Variants in MACROD2 observed in about 807,000 individuals in gnomAD.
The protein encoded by MACROD2 is mono-ADP ribosylhydrolase 2, also known as ADP-ribose glycohydrolase MACROD2.
Under a neutral mutation model 70.4 loss-of-function variants are expected in MACROD2, and 36 were observed. That is an observed-to-expected ratio of 0.51 (90% CI 0.39 to 0.68). The LOEUF is 0.68. Ranked by LOEUF, MACROD2 falls within the 30% of genes least tolerant of loss-of-function variation. The pLI is 0.00. For synonymous variants in MACROD2, 172 were observed against 178.8 expected (o/e 0.96, Z 0.30); for missense variants, 496 against 538.4 (o/e 0.92, Z 0.78).
chr20:14,238,285 T>C (rs1233290760), intron 3 of MACROD2, among the ~76,000 whole-genome samples: 1 of 151,988 alleles, frequency 6.6e-6, no homozygotes, highest in Non-Finnish European at 1.5e-5. Flanking sequence ...TAAACAGAAC[T>C]CAAAAGAAAA....
At chr20:16,016,485 A>G (rs997733292) in intron 15 of MACROD2, among the ~76,000 whole-genome samples, 2 of 152,194 alleles carry the variant, frequency 1.3e-5, no homozygotes, top group African/African-American at 2.4e-5. Context: ...TTTCTAAGAC[A>G]TCTCTCCAGT....
At chr20:15,738,965 T>C (rs2146962124) in intron 8 of MACROD2, among the ~76,000 whole-genome samples, 1 of 152,260 alleles carries the variant, frequency 6.6e-6, no homozygotes, top group African/African-American at 2.4e-5. Flanking sequence ...AAGGGTAAAT[T>C]GTATGTAGCT....
intron 8 of MACROD2, among the ~76,000 whole-genome samples, chr20:15,762,105 C>G (rs2051445392): frequency 6.6e-6 from 1 of 151,970 alleles, no homozygotes; most frequent in South Asian, 2.1e-4. Context: ...AATAAAAGCC[C>G]CAGCTATTTC....
intron 5 of MACROD2, among the ~76,000 whole-genome samples, chr20:15,163,993 C>A (rs2076365763): frequency 6.6e-6 from 1 of 151,566 alleles, no homozygotes; most frequent in Non-Finnish European, 1.5e-5. Flanking sequence ...GGGAGGCAGA[C>A]AAAAAGTAAA....
In MACROD2 at chr20:15,858,135, C is replaced by T. The variant is rs142370800; in HGVS notation, c.646-4610C>T. 7.9e-5 allele frequency among the ~76,000 whole-genome samples: 12 copies of T among 151,856 alleles called. No individual in the cohort carries two copies. In the East Asian group the frequency reaches 1.2e-3, roughly 15 times the overall value. ...GGGCCTTGGGAAAAAAAAAATCACTCGATTCCTGGACTCATGTTTTCTATA... is the reference window on the plus strand; with the variant it reads ...GGGCCTTGGGAAAAAAAAAATCACTTGATTCCTGGACTCATGTTTTCTATA... On this transcript the variant is annotated intron_variant, in intron 8 of 17. Coordinates refer to ENST00000684519, the MANE Select transcript of MACROD2 (RefSeq NM_001351661.2).
At chr20:14,583,399 C>A (rs1395616878) in intron 4 of MACROD2, among the ~76,000 whole-genome samples, 1 of 152,182 alleles carries the variant, frequency 6.6e-6, no homozygotes, top group Non-Finnish European at 1.5e-5. Context: ...GGCATCTGTA[C>A]TTTTCTCAGC....
intron 5 of MACROD2, among the ~76,000 whole-genome samples, chr20:14,809,344 T>C (rs1423564696): frequency 6.6e-6 from 1 of 151,932 alleles, no homozygotes; most frequent in Non-Finnish European, 1.5e-5. Context: ...ACTGGGTAAA[T>C]AACGAAATTA....
At chr20:14,290,699 G>T (rs2082379224) in intron 3 of MACROD2, among the ~76,000 whole-genome samples, 1 of 152,118 alleles carries the variant, frequency 6.6e-6, no homozygotes, top group Admixed American at 6.5e-5. Flanking sequence ...AGTATACACA[G>T]GGTTTCTCCA....
intron 9 of MACROD2, among the ~76,000 whole-genome samples, chr20:15,881,768 C>A (rs1415891821): frequency 2.0e-5 from 3 of 152,210 alleles, no homozygotes; most frequent in African/African-American, 4.8e-5. Flanking sequence ...TATTATCATT[C>A]TTGCTTTTAG....
chr20:15,547,306 C>A (rs1302332609), intron 8 of MACROD2, among the ~76,000 whole-genome samples: 42 of 152,158 alleles, frequency 2.8e-4, no homozygotes, highest in Non-Finnish European at 2.1e-4. Context: ...CAGATGGAAC[C>A]AATCCAGGGA....
intron 9 of MACROD2, among the ~76,000 whole-genome samples, chr20:15,869,265 A>AGAGAGAGAGAGAGAGAGAGC (rs1322416478): frequency 1.4e-5 from 2 of 141,880 alleles, no homozygotes; most frequent in African/African-American, 5.1e-5. Flanking sequence ...AGAGAGAGAG[A>AGAGAGAGAGAGAGAGAGAGC]GAGCAATGCT....
At chr20:14,094,560 T>G (rs918253150) in intron 3 of MACROD2, among the ~76,000 whole-genome samples, 12 of 152,168 alleles carry the variant, frequency 7.9e-5, no homozygotes, top group African/African-American at 2.9e-4. Context: ...GACTACTTCA[T>G]CCTTGAATGT....
At chr20:15,028,593 C>T (rs547740007) in intron 5 of MACROD2, among the ~76,000 whole-genome samples, 3 of 152,252 alleles carry the variant, frequency 2.0e-5, no homozygotes, top group Admixed American at 1.3e-4. Context: ...ACAGTTTGGG[C>T]TACCTGCTGT....
intron 8 of MACROD2, among the ~76,000 whole-genome samples, chr20:15,684,696 C>A (rs941955289): frequency 6.6e-5 from 10 of 152,102 alleles, no homozygotes; most frequent in African/African-American, 2.4e-4. Context: ...TGTTAAGTTT[C>A]TTTTCCGTGT....
intron 8 of MACROD2, among the ~76,000 whole-genome samples, chr20:15,833,095 A>T (rs6043562): frequency 0.02 from 2,939 of 149,860 alleles, 115 homozygotes; most frequent in African/African-American, 0.071. Flanking sequence ...AGCCATTAAC[A>T]TGGCATTCTA....
chr20:15,673,396 G>A (rs1198635611), intron 8 of MACROD2, among the ~76,000 whole-genome samples: 2 of 152,132 alleles, frequency 1.3e-5, no homozygotes, highest in Non-Finnish European at 2.9e-5. Flanking sequence ...ACCAGCTCCT[G>A]TAAAAAGAAT....
chr20:15,374,595 A>G (rs1004418686), intron 6 of MACROD2, among the ~76,000 whole-genome samples: 1 of 152,104 alleles, frequency 6.6e-6, no homozygotes, highest in Non-Finnish European at 1.5e-5. Context: ...GTTGTGTTTT[A>G]AGATTGTACA....
intron 8 of MACROD2, among the ~76,000 whole-genome samples, chr20:15,692,130 G>A (rs1209595982): frequency 6.6e-6 from 1 of 152,100 alleles, no homozygotes; most frequent in Non-Finnish European, 1.5e-5. Flanking sequence ...TTAAGCAGCT[G>A]CCATCCTGAT....
At chr20:14,605,166 A>G (rs1302176709) in intron 4 of MACROD2, among the ~76,000 whole-genome samples, 1 of 152,194 alleles carries the variant, frequency 6.6e-6, no homozygotes, top group African/African-American at 2.4e-5. Flanking sequence ...CTGTTGTAAC[A>G]AAGTACCACA....
Sources: allele counts gnomAD v4.1 joint callset (sites outside exome capture counted in the v4.1 genomes callset), GRCh38; gene constraint gnomAD v4.1.1; transcripts MANE v1.5; gene names NCBI Gene and HGNC (gene_info 2026-07-23, HGNC 2026-07-21).